Variants in TYW1 observed in about 807,000 individuals in gnomAD.
TYW1 encodes the protein tRNA-yW synthesizing protein 1 homolog, also known as S-adenosyl-L-methionine-dependent tRNA 4-demethylwyosine synthase TYW1.
TYW1 carries 46 observed loss-of-function variants against 96.2 expected under a neutral mutation model. That is an observed-to-expected ratio of 0.48 (90% CI 0.38 to 0.61). TYW1 has a LOEUF of 0.61. Ranked by LOEUF, TYW1 falls within the 20% of genes least tolerant of loss-of-function variation. The pLI is 0.00. For missense variants in TYW1, 684 were observed against 909.6 expected (o/e 0.75, Z 3.19); for synonymous variants, 274 against 323.0 (o/e 0.85, Z 1.63).
At position 67,092,674 on chromosome 7, in the gene TYW1, C is replaced by CTTTT. The variant is rs3980762; in HGVS notation, c.1385-5844_1385-5841dup. Among the ~76,000 whole-genome samples the CTTTT allele has an allele frequency of 2.8e-4, 26 of 92,446 alleles. 1 individual carries two copies. The highest frequency in any genetic ancestry group is 4.7e-4 in the African/African-American group (12 of 25,358). 60.6% of individuals were successfully genotyped at this position (92,446 alleles called of 152,430 possible). A position where few individuals can be genotyped will look rare whatever the true frequency, so the allele number is the denominator to read the frequency against. On this transcript the variant is annotated intron_variant, in intron 11 of 15. Transcript: ENST00000359626. ...TTCTTTTCCACGTGCCTATCACCTT[C>CTTTT]TTTTTTTTTTTTTTTTTTTTTTTTT... is the stretch of plus-strand genomic sequence containing the variant.
intron 11 of TYW1, among the ~76,000 whole-genome samples, chr7:67,092,674 C>CA (rs1796763403): frequency 1.1e-5 from 1 of 92,446 alleles, no homozygotes. Flanking sequence ...CTATCACCTT[C>CA]TTTTTTTTTT....
chr7:67,077,527 G>C (rs1329366838), intron 10 of TYW1, among the ~76,000 whole-genome samples: 1 of 152,150 alleles, frequency 6.6e-6, no homozygotes, highest in Non-Finnish European at 1.5e-5. Flanking sequence ...TTGGCTACTT[G>C]TATATGTTCT....
intron 7 of TYW1, among the ~76,000 whole-genome samples, chr7:67,039,713 G>C (rs1212841553): frequency 1.3e-5 from 2 of 151,058 alleles, no homozygotes; most frequent in Non-Finnish European, 2.9e-5. Context: ...CATCAGGCTG[G>C]GGTGCAGTGG....
chr7:67,031,229 C>T (rs1205547345), intron 7 of TYW1, among the ~76,000 whole-genome samples: 1 of 143,942 alleles, frequency 6.9e-6, no homozygotes, highest in African/African-American at 2.6e-5. Context: ...GTGTGCGGCT[C>T]AAACAGGAGG....
At chr7:67,159,894 G>A (rs575577723) in intron 13 of TYW1, among the ~76,000 whole-genome samples, 16 of 150,162 alleles carry the variant, frequency 1.1e-4, no homozygotes, top group East Asian at 2.1e-4. Flanking sequence ...TCTGCCTCCC[G>A]GGTTCACGCC....
chr7:67,183,219 G>C lies in TYW1; in HGVS notation c.1792G>C (p.Asp598His). Reference sequence around the variant, plus strand: ...GCAGCTCGTGTCCCTGGGGAATCCTGACTTCATCGAAGTGAAGGTAAGCCC... The same window carrying C: ...GCAGCTCGTGTCCCTGGGGAATCCTCACTTCATCGAAGTGAAGGTAAGCCC... ...YAQLVSLGNP[D>H]FIEVKGVTYC... is the part of the protein sequence containing the mutation. Residue 598 changes from aspartate to histidine, a missense_variant, in exon 14 of 16, where the codon GAC becomes CAC. Transcript: ENST00000359626. 1 of 1,604,506 alleles carries C rather than the reference G, an allele frequency of 6.2e-7. No individual in the cohort carries two copies. Among genetic ancestry groups the C allele is most frequent in the Non-Finnish European group, 8.5e-7 (1 of 1,175,292 alleles).
At position 67,014,496 on chromosome 7, in the gene TYW1, C is replaced by G; in HGVS notation, c.505C>G (p.Leu169Val). The G allele has an allele frequency of 1.2e-6, 2 of 1,613,910 alleles. No individual in the cohort carries two copies. Among genetic ancestry groups the G allele is most frequent in the Non-Finnish European group, 1.7e-6 (2 of 1,179,854 alleles). ...TGATTTTCGATTTGGCAAAACTTAC[C>G]TGAAGGGTATGAGATATGCGGTATT... ...SIDFRFGKTY[L>V]KGMRYAVFGL... The change falls in exon 5 of 16, where the codon CTG (leucine) becomes GTG (valine). Residue 169 changes from leucine to valine, a missense_variant. Physicochemically the swap from Leu to Val is conservative, Grantham distance 32. Coordinates refer to ENST00000359626, the MANE Select transcript of TYW1 (RefSeq NM_018264.4).
rs569738924 is a variant in TYW1 at position 67,094,909 on chromosome 7, G to T, written c.1385-3632G>T. ...CCTGTGGAATGCAGGTTGTACAGGG[G>T]ATCAAGGCCCGTTGTTTTGGGTTAA... is the stretch of plus-strand genomic sequence containing the variant. On this transcript the variant is annotated intron_variant, in intron 11 of 15. Transcript: ENST00000359626. Among the ~76,000 whole-genome samples the T allele has an allele frequency of 1.8e-4, 28 of 152,204 alleles. No individual in the cohort carries two copies. The East Asian group carries it at 5.0e-3, about 27-fold the overall frequency.
chr7:67,045,756 G>A (rs1795169144), intron 7 of TYW1, among the ~76,000 whole-genome samples: 1 of 152,176 alleles, frequency 6.6e-6, no homozygotes, highest in Admixed American at 6.6e-5. Flanking sequence ...TGATGGGTAT[G>A]GGAGATGGGA....
At chr7:67,031,631 A>AAAAACAAAAC (rs1229224653) in intron 7 of TYW1, among the ~76,000 whole-genome samples, 1 of 71,046 alleles carries the variant, frequency 1.4e-5, no homozygotes, top group East Asian at 3.8e-4. Context: ...ATTCCTTCTC[A>AAAAACAAAAC]AAAACAAAAC....
At chr7:67,158,343 C>G (rs1799052747) in intron 13 of TYW1, among the ~76,000 whole-genome samples, 1 of 152,030 alleles carries the variant, frequency 6.6e-6, no homozygotes, top group South Asian at 2.1e-4. Context: ...CGCCTTCGGC[C>G]TCCCAAAGTG....
At chr7:67,189,317 CTGTGTTGTG>C (rs1398994213) in intron 14 of TYW1, among the ~76,000 whole-genome samples, 5 of 89,078 alleles carry the variant, frequency 5.6e-5, no homozygotes, top group Non-Finnish European at 1.0e-4. Context: ...GTGTGTGCAT[CTGTGTTGTG>C]TGTGTGCATG....
intron 13 of TYW1, among the ~76,000 whole-genome samples, chr7:67,160,319 G>T (rs1405578786): frequency 6.6e-6 from 1 of 152,014 alleles, no homozygotes; most frequent in Admixed American, 6.5e-5. Flanking sequence ...TTGCAACTCT[G>T]AATATTTTTG....
rs1176475582 is a variant in TYW1, at chr7:67,098,600, T to C, written c.1444T>C (p.Leu482=). Residue 482 remains leucine, a synonymous_variant, in exon 12 of 16, where the codon TTG becomes CTG. Coordinates refer to ENST00000359626, the MANE Select transcript of TYW1 (RefSeq NM_018264.4). ...AGGAATGACGGTAAAGCACTGTGCA[T>C]TGTCCCTCGTGGGAGAACCAATAAT... The part of the protein sequence containing the change: ...EEGMTVKHCA[L]SLVGEPIMYP... 9.9e-6 allele frequency: 16 copies of C among 1,613,382 alleles called. No homozygotes were observed. The highest frequency in any genetic ancestry group is 1.4e-5 in the Non-Finnish European group (16 of 1,179,768).
At chr7:67,154,095 G>T (rs1798891889) in intron 13 of TYW1, among the ~76,000 whole-genome samples, 2 of 151,584 alleles carry the variant, frequency 1.3e-5, no homozygotes, top group South Asian at 2.1e-4. Context: ...TATTTTTTTT[G>T]TATTTTTTAG....
chr7:67,016,404 G>A (rs1451881273), intron 5 of TYW1, among the ~76,000 whole-genome samples: 7 of 151,490 alleles, frequency 4.6e-5, no homozygotes, highest in Admixed American at 6.6e-5. Context: ...AAAATTAGCC[G>A]GGCGTGGTGG....
chr7:67,159,358 C>T (rs916398497), intron 13 of TYW1, among the ~76,000 whole-genome samples: 18 of 152,120 alleles, frequency 1.2e-4, no homozygotes, highest in African/African-American at 3.6e-4. Context: ...CAGATATTTC[C>T]GAATTTGCCC....
At chr7:67,105,957 G>C (rs1563016321) in intron 12 of TYW1, among the ~76,000 whole-genome samples, 1 of 141,174 alleles carries the variant, frequency 7.1e-6, no homozygotes, top group Non-Finnish European at 1.5e-5. Context: ...GAGTACACTG[G>C]TGCGATCTCG....
At chr7:67,231,903 G>T in intron 15 of TYW1, among the ~76,000 whole-genome samples, 3 of 149,938 alleles carry the variant, frequency 2.0e-5, no homozygotes, top group South Asian at 4.3e-4. Context: ...GTTTTAAATT[G>T]GGTCTTATGG....
Sources: allele counts gnomAD v4.1 joint callset (sites outside exome capture counted in the v4.1 genomes callset), GRCh38; gene constraint gnomAD v4.1.1; transcripts MANE v1.5; gene names NCBI Gene and HGNC (gene_info 2026-07-23, HGNC 2026-07-21).